Variants in MAP2K4 observed in about 807,000 individuals in gnomAD.
The protein encoded by MAP2K4 is mitogen-activated protein kinase kinase 4, also known as dual specificity mitogen-activated protein kinase kinase 4.
A neutral mutation model predicts 48.5 loss-of-function variants in MAP2K4; 4 were observed. The ratio of observed to expected loss-of-function variants is 0.08; its 90% confidence interval spans 0.04 to 0.19. The LOEUF (loss-of-function observed/expected upper bound fraction) is 0.19, where lower values mean the gene tolerates loss of function less well. Among genes scored for constraint, MAP2K4 ranks in the 10% least tolerant of loss-of-function variants. The pLI is 1.00. For synonymous variants in MAP2K4, 166 were observed against 173.1 expected (o/e 0.96, Z 0.32); for missense variants, 258 against 493.3 (o/e 0.52, Z 4.52).
At position 12,081,778 on chromosome 17, in the gene MAP2K4, G is replaced by C; in HGVS notation, c.393+248G>C. The stretch of plus-strand genomic sequence containing the variant: ...CATTTTTGGCATGATGCATTAACAT[G>C]TTTTAAACTTCAGGCCCTTCTACTG... On this transcript the variant is annotated intron_variant, in intron 3 of 10. Transcript: ENST00000353533. The surrounding 1 kb of genome is among the most constrained non-coding windows in gnomAD (Gnocchi z 4.2). The C allele has an allele frequency of 1.9e-6, 1 of 522,508 alleles. No homozygotes were observed. Among genetic ancestry groups the C allele is most frequent in the Admixed American group, 3.1e-5 (1 of 32,108 alleles). The allele number at this position is 522,508 out of a possible 1,614,324, so 32.4% of individuals were successfully genotyped here. A position where few individuals can be genotyped will look rare whatever the true frequency, so the allele number is the denominator to read the frequency against.
chr17:12,086,291 T>C (rs1014937752), intron 3 of MAP2K4, among the ~76,000 whole-genome samples: 2 of 152,194 alleles, frequency 1.3e-5, no homozygotes, highest in African/African-American at 4.8e-5. Flanking sequence ...TTATGCTTCC[T>C]AATATTGCTT....
chr17:12,022,828 C>T (rs1025566586), intron 1 of MAP2K4, among the ~76,000 whole-genome samples: 1 of 152,052 alleles, frequency 6.6e-6, no homozygotes. Context: ...GAGGGCAGTC[C>T]GCTTGATAAG....
chr17:12,136,827 G>GA (rs747560933), intron 9 of MAP2K4, among the ~76,000 whole-genome samples: 31 of 152,212 alleles, frequency 2.0e-4, no homozygotes, highest in Admixed American at 5.9e-4. Flanking sequence ...CTGTGTGGGT[G>GA]AAAAAATGCA....
At chr17:12,071,008 C>G (rs1431637510) in intron 2 of MAP2K4, among the ~76,000 whole-genome samples, 29 of 152,216 alleles carry the variant, frequency 1.9e-4, no homozygotes, top group Non-Finnish European at 1.5e-5. Flanking sequence ...CTTTCAGCTT[C>G]TGGTACTGCT....
intron 3 of MAP2K4, among the ~76,000 whole-genome samples, chr17:12,089,962 A>T (rs993980226): frequency 6.6e-6 from 1 of 151,858 alleles, no homozygotes; most frequent in Admixed American, 6.6e-5. Context: ...CATTTTCTGG[A>T]CTCCTCAGTT....
chr17:12,084,012 G>A (rs564881289), intron 3 of MAP2K4, among the ~76,000 whole-genome samples: 2 of 152,222 alleles, frequency 1.3e-5, no homozygotes, highest in South Asian at 4.1e-4. Context: ...TAGATGTTAA[G>A]CTGGAAATGA....
chr17:12,036,496 G>C (rs1007424607), intron 1 of MAP2K4: 4 of 152,120 alleles, frequency 2.6e-5, no homozygotes, highest in Non-Finnish European at 4.4e-5. Flanking sequence ...GAGGAGGGAT[G>C]AGGATTTGCC....
chr17:12,030,460 C>A (rs1266576364), intron 1 of MAP2K4, among the ~76,000 whole-genome samples: 1 of 152,142 alleles, frequency 6.6e-6, no homozygotes, highest in African/African-American at 2.4e-5. Context: ...AATCCCCTTC[C>A]CACCTCCTTT....
intron 8 of MAP2K4, 30 bp downstream of exon 8, chr17:12,125,401 A>G (rs1597493754): frequency 6.4e-7 from 1 of 1,570,898 alleles, no homozygotes; most frequent in East Asian, 2.2e-5. Context: ...ACCTTGCCAC[A>G]GTAGCGTAAC....
At chr17:12,055,363 C>G (rs1230980447) in intron 2 of MAP2K4, among the ~76,000 whole-genome samples, 1 of 152,076 alleles carries the variant, frequency 6.6e-6, no homozygotes, top group Non-Finnish European at 1.5e-5. Context: ...ATTGTAGCAT[C>G]TTAGTGAAAA....
intron 3 of MAP2K4, among the ~76,000 whole-genome samples, chr17:12,090,402 C>CTCTG (rs1329250445): frequency 6.6e-6 from 1 of 152,170 alleles, no homozygotes; most frequent in East Asian, 1.9e-4. Flanking sequence ...TAAGGGTTAA[C>CTCTG]TCTGAATCAG....
intron 1 of MAP2K4, among the ~76,000 whole-genome samples, chr17:12,028,774 T>C (rs766615683): frequency 6.6e-6 from 1 of 152,180 alleles, no homozygotes; most frequent in Non-Finnish European, 1.5e-5. Context: ...ACTGAGGAGA[T>C]AGGAAACCAC....
chr17:12,042,874 C>T (rs1823833779), intron 1 of MAP2K4, among the ~76,000 whole-genome samples: 2 of 151,966 alleles, frequency 1.3e-5, no homozygotes, highest in Admixed American at 1.3e-4. Flanking sequence ...AGTGAAACCC[C>T]GCCTCTACTA....
At chr17:12,132,307 A>G (rs1474373740) in intron 9 of MAP2K4, among the ~76,000 whole-genome samples, 1 of 152,248 alleles carries the variant, frequency 6.6e-6, no homozygotes, top group Non-Finnish European at 1.5e-5. Context: ...GGAAAAGCAC[A>G]TTTATAACCT....
At chr17:12,122,767 C>G (rs749777734) in intron 7 of MAP2K4, among the ~76,000 whole-genome samples, 1 of 152,080 alleles carries the variant, frequency 6.6e-6, no homozygotes, top group Non-Finnish European at 1.5e-5. Flanking sequence ...AATGTTAACT[C>G]TTGGTTATTT....
chr17:12,061,199 C>G (rs1970440538), intron 2 of MAP2K4, among the ~76,000 whole-genome samples: 1 of 152,120 alleles, frequency 6.6e-6, no homozygotes, highest in South Asian at 2.1e-4. Context: ...TATGTGTATG[C>G]AGCATTTTGT....
chr17:12,036,169 A>C (rs1332007976), intron 1 of MAP2K4, among the ~76,000 whole-genome samples: 1 of 152,150 alleles, frequency 6.6e-6, no homozygotes, highest in East Asian at 1.9e-4. Context: ...ACTTCAAGTT[A>C]CATTTATTTA....
intron 2 of MAP2K4, among the ~76,000 whole-genome samples, chr17:12,067,964 A>G (rs577331200): frequency 3.9e-5 from 6 of 152,206 alleles, no homozygotes; most frequent in Non-Finnish European, 5.9e-5. Context: ...GGCCTAATTT[A>G]GAAGGAGGGT....
chr17:12,105,021 G>A (rs896848956), intron 4 of MAP2K4, among the ~76,000 whole-genome samples: 3 of 152,042 alleles, frequency 2.0e-5, no homozygotes, highest in African/African-American at 7.2e-5. Flanking sequence ...GTTAACTTCT[G>A]TCATATATCA....
Sources: gnomAD v4.1 joint callset for allele counts (sites outside exome capture counted in the v4.1 genomes callset) on GRCh38, gnomAD v4.1.1 for gene constraint, Gnocchi (gnomAD v3.1) non-coding constraint, MANE v1.5 for transcripts, NCBI Gene and HGNC (gene_info 2026-07-23, HGNC 2026-07-21) for gene names.